The following SAMD12 variants were observed in gnomAD, a reference collection of about 807,000 sequenced individuals.
SAMD12 encodes sterile alpha motif domain-containing protein 12.
Under a neutral mutation model 15.0 loss-of-function variants are expected in SAMD12, and 9 were observed. The observed-to-expected ratio is 0.60, with a 90% CI of 0.36 to 1.05. The LOEUF is 1.05. SAMD12 is among the 50% of genes least tolerant of loss of function. The pLI is 0.01. For synonymous variants in SAMD12, 86 were observed against 90.1 expected (o/e 0.96, Z 0.25); for missense variants, 230 against 234.2 (o/e 0.98, Z 0.12).
At chr8:118,167,746 C>T in the SAMD12 span, among the ~76,000 whole-genome samples, 5,610 of 152,168 alleles carry the variant, frequency 0.037, 175 homozygotes, top group African/African-American at 0.076. Context: ...CACCACCATC[C>T]CAATTTAAGA....
chr8:118,568,785 C>T (rs1004080754), intron 2 of SAMD12, among the ~76,000 whole-genome samples: 1 of 152,138 alleles, frequency 6.6e-6, no homozygotes, highest in African/African-American at 2.4e-5. Context: ...ATTAACACTA[C>T]TACAGTAATA....
chr8:118,336,271 A>G (rs748836524), intron 4 of SAMD12, among the ~76,000 whole-genome samples: 7 of 152,134 alleles, frequency 4.6e-5, no homozygotes, highest in Non-Finnish European at 7.4e-5. Context: ...AAATATGATC[A>G]TTTTCTCGAA....
At chr8:118,252,865 C>T (rs1415524287) in intron 4 of SAMD12, among the ~76,000 whole-genome samples, 11 of 152,178 alleles carry the variant, frequency 7.2e-5, no homozygotes, top group East Asian at 5.8e-4. Flanking sequence ...CACCTTTTAT[C>T]CTTTGTAAGA....
chr8:118,539,140 T>C (rs760858877), intron 2 of SAMD12, among the ~76,000 whole-genome samples: 25 of 152,228 alleles, frequency 1.6e-4, no homozygotes, highest in Non-Finnish European at 3.2e-4. Flanking sequence ...CTGCATTGCT[T>C]TAGCAGCAAG....
Position 118,379,098 on chromosome 8 carries a change from A to C in SAMD12, c.*319T>G. On this transcript the variant is annotated 3_prime_UTR_variant, in exon 4 of 4. Transcript: ENST00000314727. The stretch of plus-strand genomic sequence containing the variant: ...GTGAAAAGCAAAACAAAAATACAAC[A>C]AAAACTCCACTTATATCACTGGTCA... 1.9e-6 allele frequency: 2 copies of C among 1,074,432 alleles called. No individual in the cohort carries two copies. The highest frequency in any genetic ancestry group is 2.3e-6 in the Non-Finnish European group (2 of 884,506). The allele number at this position is 1,074,432 out of a possible 1,614,324, so 66.6% of individuals were successfully genotyped here.
At chr8:118,420,310 A>G (rs1356521624) in intron 3 of SAMD12, among the ~76,000 whole-genome samples, 2 of 152,030 alleles carry the variant, frequency 1.3e-5, no homozygotes, top group African/African-American at 4.8e-5. Context: ...TATATATAGG[A>G]GGGTAGGAGG....
At chr8:118,485,980 G>A (rs1164032713) in intron 2 of SAMD12, among the ~76,000 whole-genome samples, 1 of 152,106 alleles carries the variant, frequency 6.6e-6, no homozygotes, top group Non-Finnish European at 1.5e-5. Context: ...TAACAGAATG[G>A]CCCCCCACAA....
At chr8:118,508,345 C>T (rs374908231) in intron 2 of SAMD12, among the ~76,000 whole-genome samples, 36 of 151,896 alleles carry the variant, frequency 2.4e-4, no homozygotes, top group African/African-American at 4.8e-4. Context: ...CACAACTGCA[C>T]GTTGTGCACA....
the SAMD12 span, among the ~76,000 whole-genome samples, chr8:118,147,567 G>T: frequency 1.3e-5 from 2 of 151,952 alleles, no homozygotes; most frequent in Admixed American, 6.6e-5. Flanking sequence ...TCACCATGTT[G>T]GTCAGGCTGG....
chr8:118,490,935 G>GGA (rs796172444), intron 2 of SAMD12, among the ~76,000 whole-genome samples: 2 of 147,494 alleles, frequency 1.4e-5, no homozygotes, highest in African/African-American at 4.9e-5. Flanking sequence ...AAAGAAGTGG[G>GGA]AAAAAAAAAA....
chr8:118,446,287 C>T (rs1822909597), intron 2 of SAMD12, among the ~76,000 whole-genome samples: 1 of 150,488 alleles, frequency 6.6e-6, no homozygotes, highest in Non-Finnish European at 1.5e-5. Context: ...TATTAATGGA[C>T]TTTAAAATTT....
chr8:118,422,032 A>C (rs1822020781), intron 3 of SAMD12, among the ~76,000 whole-genome samples: 1 of 152,234 alleles, frequency 6.6e-6, no homozygotes, highest in Non-Finnish European at 1.5e-5. Context: ...AGTTGCAGAT[A>C]GGGAAGTATA....
At chr8:118,206,820 A>C (rs1301503813) in intron 4 of SAMD12, among the ~76,000 whole-genome samples, 1 of 152,226 alleles carries the variant, frequency 6.6e-6, no homozygotes, top group Non-Finnish European at 1.5e-5. Flanking sequence ...TTGCAGGGAC[A>C]CTGATATTGC....
chr8:118,201,797 C>T (rs1819722944), intron 4 of SAMD12, among the ~76,000 whole-genome samples: 1 of 152,186 alleles, frequency 6.6e-6, no homozygotes, highest in Admixed American at 6.5e-5. Flanking sequence ...ATGGATTTTG[C>T]AGCTAACAAA....
chr8:118,270,858 T>C (rs982567229), intron 4 of SAMD12, among the ~76,000 whole-genome samples: 1 of 152,056 alleles, frequency 6.6e-6, no homozygotes, highest in African/African-American at 2.4e-5. Flanking sequence ...GCATAGCAAA[T>C]GAATAAATAA....
chr8:118,443,445 A>G (rs992470749), intron 2 of SAMD12, among the ~76,000 whole-genome samples: 1 of 152,130 alleles, frequency 6.6e-6, no homozygotes, highest in Non-Finnish European at 1.5e-5. Flanking sequence ...GTGACAGAGC[A>G]ACACTGTCTC....
At chr8:118,616,756 C>T (rs561594064) in intron 1 of SAMD12, among the ~76,000 whole-genome samples, 7 of 152,254 alleles carry the variant, frequency 4.6e-5, no homozygotes, top group South Asian at 2.1e-4. Flanking sequence ...GGTATCAGTC[C>T]GTGGCCTATT....
At chr8:118,559,155 C>T (rs1210898659) in intron 2 of SAMD12, among the ~76,000 whole-genome samples, 2 of 152,178 alleles carry the variant, frequency 1.3e-5, no homozygotes, top group African/African-American at 4.8e-5. Context: ...GCTTATAGAT[C>T]CTGGAGTGCA....
downstream of SAMD12, among the ~76,000 whole-genome samples, chr8:118,185,100 C>T (rs1338847514): frequency 6.6e-6 from 1 of 152,072 alleles, no homozygotes; most frequent in Non-Finnish European, 1.5e-5. Flanking sequence ...CTTTGAAAAA[C>T]TGCTTCTATA....
Sources: allele counts gnomAD v4.1 joint callset (sites outside exome capture counted in the v4.1 genomes callset), GRCh38; gene constraint gnomAD v4.1.1; transcripts MANE v1.5; gene names NCBI Gene and HGNC (gene_info 2026-07-23, HGNC 2026-07-21).